DOCK3: variants seen among roughly 807,000 people sequenced by gnomAD.
DOCK3 encodes dedicator of cytokinesis protein 3.
A neutral mutation model predicts 265.6 loss-of-function variants in DOCK3; 60 were observed. The observed-to-expected ratio is 0.23, with a 90% CI of 0.18 to 0.28. The LOEUF is 0.28. DOCK3 is among the 10% of genes least tolerant of loss of function. DOCK3 has a pLI of 1.00. For synonymous variants in DOCK3, 881 were observed against 938.0 expected (o/e 0.94, Z 1.11); for missense variants, 1,981 against 2,594.3 (o/e 0.76, Z 5.14).
intron 22 of DOCK3, among the ~76,000 whole-genome samples, chr3:51,252,241 A>G (rs1369822236): frequency 6.6e-6 from 1 of 152,216 alleles, no homozygotes; most frequent in Non-Finnish European, 1.5e-5. Context: ...TGGTACCAGT[A>G]CCATGCTGTT....
intron 5 of DOCK3, among the ~76,000 whole-genome samples, chr3:50,949,720 T>G (rs2108303418): frequency 6.6e-6 from 1 of 152,240 alleles, no homozygotes; most frequent in South Asian, 2.1e-4. Context: ...TTCTAGGAAT[T>G]TTTCCATCTT....
chr3:50,969,846 C>T (rs762829972), intron 5 of DOCK3, among the ~76,000 whole-genome samples: 27 of 152,010 alleles, frequency 1.8e-4, no homozygotes, highest in Admixed American at 1.3e-3. Context: ...CCGAGGTGGG[C>T]GGATCACGAG....
chr3:51,304,881 C>G (rs1490735019), intron 27 of DOCK3, among the ~76,000 whole-genome samples: 1 of 152,218 alleles, frequency 6.6e-6, no homozygotes, highest in African/African-American at 2.4e-5. Context: ...GTGGGACCCT[C>G]CAACTGCAGC....
intron 2 of DOCK3, among the ~76,000 whole-genome samples, chr3:50,825,880 T>TG (rs1003113852): frequency 5.3e-5 from 8 of 152,130 alleles, no homozygotes; most frequent in African/African-American, 1.9e-4. Context: ...CTTTGTCAGC[T>TG]GAATCTATGT....
At chr3:51,199,732 C>T (rs1202743959) in intron 12 of DOCK3, among the ~76,000 whole-genome samples, 2 of 152,222 alleles carry the variant, frequency 1.3e-5, no homozygotes, top group African/African-American at 4.8e-5. Context: ...GGGCAGACTG[C>T]CTCCTCAAGT....
chr3:50,957,919 C>T (rs2108362012), intron 5 of DOCK3, among the ~76,000 whole-genome samples: 1 of 152,240 alleles, frequency 6.6e-6, no homozygotes, highest in South Asian at 2.1e-4. Flanking sequence ...CTAGTTTATT[C>T]TATTTTTTTC....
chr3:51,355,491 CAGG>C (rs1248803142), intron 41 of DOCK3, among the ~76,000 whole-genome samples: 4 of 152,168 alleles, frequency 2.6e-5, no homozygotes, highest in Non-Finnish European at 5.9e-5. Context: ...ATGTGTGGAG[CAGG>C]AGAAGATGAG....
At chr3:51,046,773 G>C (rs192795417) in intron 5 of DOCK3, among the ~76,000 whole-genome samples, 136 of 152,110 alleles carry the variant, frequency 8.9e-4, no homozygotes, top group African/African-American at 3.2e-3. Flanking sequence ...AACAGAATCA[G>C]TATTTTTCCA....
At chr3:50,857,099 A>G (rs1197814823) in intron 3 of DOCK3, among the ~76,000 whole-genome samples, 1 of 152,148 alleles carries the variant, frequency 6.6e-6, no homozygotes, top group African/African-American at 2.4e-5. Flanking sequence ...GGACTTTTGC[A>G]TCTATGTTTA....
chr3:51,234,088 T>C (rs1576484671), intron 19 of DOCK3, among the ~76,000 whole-genome samples: 2 of 152,220 alleles, frequency 1.3e-5, no homozygotes, highest in African/African-American at 2.4e-5. Context: ...ATAATGGCTG[T>C]ATTAATTTAC....
chr3:51,265,586 C>G (rs1354465814), intron 23 of DOCK3, among the ~76,000 whole-genome samples: 1 of 152,178 alleles, frequency 6.6e-6, no homozygotes, highest in East Asian at 1.9e-4. Flanking sequence ...ATAAACAGAA[C>G]CAATGACAAA....
intron 22 of DOCK3, among the ~76,000 whole-genome samples, chr3:51,248,721 C>T (rs1029537224): frequency 3.3e-5 from 5 of 151,676 alleles, no homozygotes; most frequent in Admixed American, 6.6e-5. Context: ...CGTCTCCGCC[C>T]GGCCGCCATC....
chr3:51,115,320 T>G (rs1393597248), intron 9 of DOCK3, among the ~76,000 whole-genome samples: 1 of 152,228 alleles, frequency 6.6e-6, no homozygotes, highest in South Asian at 2.1e-4. Context: ...TTTCCTGACT[T>G]TTTAATGATC....
At position 51,374,233 on chromosome 3, in the gene DOCK3, G is replaced by T. The variant is rs886417953; in HGVS notation, c.5294-236G>T. 2.6e-5 allele frequency among the ~76,000 whole-genome samples: 4 copies of T among 152,184 alleles called. No homozygotes were observed. The highest frequency in any genetic ancestry group is 9.7e-5 in the African/African-American group (4 of 41,446). On this transcript the variant is annotated intron_variant, in intron 49 of 52. Transcript: ENST00000266037. This position sits in a 1 kb window ranked among gnomAD's most constrained non-coding sequence, Gnocchi z 4.8. Reference sequence around the variant, plus strand: ...TCTGAGCATGGTGGGGACTCTGTCAGCGGATCTGCATCTCACCAGCCTGCT... The same window carrying T: ...TCTGAGCATGGTGGGGACTCTGTCATCGGATCTGCATCTCACCAGCCTGCT...
At chr3:50,817,042 G>A (rs2044124968) in intron 2 of DOCK3, among the ~76,000 whole-genome samples, 1 of 152,230 alleles carries the variant, frequency 6.6e-6, no homozygotes, top group African/African-American at 2.4e-5. Flanking sequence ...AGACTGAGCA[G>A]CCCAGAGAGC....
At chr3:50,814,857 G>C (rs182584354) in intron 2 of DOCK3, among the ~76,000 whole-genome samples, 1 of 149,880 alleles carries the variant, frequency 6.7e-6, no homozygotes, top group African/African-American at 2.5e-5. Flanking sequence ...ATGGAGTCTC[G>C]CTCTGCCGCC....
rs550866944 is a variant in DOCK3 at position 51,320,029 on chromosome 3, G to A, written c.3402+4901G>A. Among the ~76,000 whole-genome samples, 17 of 152,190 alleles carry A rather than the reference G, an allele frequency of 1.1e-4. No homozygotes were observed. In the South Asian group the frequency reaches 3.1e-3, roughly 28 times the overall value. The stretch of plus-strand genomic sequence containing the variant: ...TAGAAAATGAAATTGTTAGAGGGCT[G>A]GCAAGATGGCCAAATAGGAACAGCT... On this transcript the variant is annotated intron_variant, in intron 32 of 52. Transcript: ENST00000266037.
At chr3:51,339,119 C>T in intron 37 of DOCK3, 91 bp downstream of exon 37, 1 of 1,112,732 alleles carries the variant, frequency 9.0e-7, no homozygotes, top group Non-Finnish European at 1.2e-6. Context: ...AGGCTGGTGC[C>T]TGCCAGATCT....
At chr3:50,939,363 A>G (rs1309872670) in intron 5 of DOCK3, among the ~76,000 whole-genome samples, 1 of 152,150 alleles carries the variant, frequency 6.6e-6, no homozygotes, top group African/African-American at 2.4e-5. Context: ...AGGAGGGAAT[A>G]CTTCCTAATT....
Sources: gnomAD v4.1 joint callset for allele counts (sites outside exome capture counted in the v4.1 genomes callset) on GRCh38, gnomAD v4.1.1 for gene constraint, Gnocchi (gnomAD v3.1) non-coding constraint, MANE v1.5 for transcripts, NCBI Gene and HGNC (gene_info 2026-07-23, HGNC 2026-07-21) for gene names.